Variants in NPAS3 observed in about 807,000 individuals in gnomAD.
NPAS3 encodes neuronal PAS domain-containing protein 3.
In NPAS3, 14 loss-of-function variants were observed where a neutral mutation model predicts 73.1. The observed-to-expected ratio is 0.19, with a 90% confidence interval of 0.13 to 0.30. The LOEUF is 0.30. Ranked by LOEUF, NPAS3 falls within the 10% of genes least tolerant of loss-of-function variation. NPAS3 has a pLI of 1.00. For synonymous variants in NPAS3, 620 were observed against 541.5 expected, an observed-to-expected ratio of 1.14 and a Z score of -2.01; for missense variants, 1,096 against 1,250.0, an observed-to-expected ratio of 0.88 and a Z score of 1.86.
At chr14:33,000,265 G>A (rs1037731414) in intron 1 of NPAS3, among the ~76,000 whole-genome samples, 1 of 152,150 alleles carries the variant, frequency 6.6e-6, no homozygotes, top group Non-Finnish European at 1.5e-5. Context: ...AAGTCTAGTA[G>A]AGACCTGTTT....
chr14:33,775,683 A>T (rs767576920), intron 8 of NPAS3, among the ~76,000 whole-genome samples: 2 of 152,230 alleles, frequency 1.3e-5, no homozygotes, highest in Non-Finnish European at 2.9e-5. Flanking sequence ...ATTTGATAAG[A>T]AACTCTGAAT....
chr14:32,978,157 G>A (rs2037762461), intron 1 of NPAS3, among the ~76,000 whole-genome samples: 1 of 152,188 alleles, frequency 6.6e-6, no homozygotes, highest in South Asian at 2.1e-4. Context: ...CTAGTAAGCT[G>A]GAGAAGAGGC....
chr14:33,192,554 G>A (rs956648245), intron 2 of NPAS3, among the ~76,000 whole-genome samples: 6 of 152,172 alleles, frequency 3.9e-5, no homozygotes, highest in Non-Finnish European at 5.9e-5. Flanking sequence ...TTCTTATGGA[G>A]TGAGTGGTGA....
chr14:33,486,698 AG>A (rs2051617357), intron 4 of NPAS3, among the ~76,000 whole-genome samples: 1 of 152,152 alleles, frequency 6.6e-6, no homozygotes, highest in Non-Finnish European at 1.5e-5. Context: ...CCTGTGACCC[AG>A]CATGCTGAGG....
chr14:33,426,310 G>A (rs1019420084), intron 4 of NPAS3, among the ~76,000 whole-genome samples: 2 of 152,084 alleles, frequency 1.3e-5, no homozygotes, highest in African/African-American at 2.4e-5. Context: ...GGGCTCAGAT[G>A]AAGCCTCCTG....
intron 1 of NPAS3, among the ~76,000 whole-genome samples, chr14:33,045,279 G>T (rs2040471517): frequency 6.6e-6 from 1 of 152,134 alleles, no homozygotes; most frequent in South Asian, 2.1e-4. Context: ...TTGGAAAGTT[G>T]CCTATTTTCC....
chr14:33,075,579 G>A (rs928333302), intron 2 of NPAS3, among the ~76,000 whole-genome samples: 2 of 152,138 alleles, frequency 1.3e-5, no homozygotes, highest in Non-Finnish European at 2.9e-5. Flanking sequence ...GCAGTTATCT[G>A]CAAGTTGCTA....
chr14:33,406,804 C>A (rs756163478), intron 4 of NPAS3, among the ~76,000 whole-genome samples: 7 of 152,052 alleles, frequency 4.6e-5, no homozygotes, highest in Non-Finnish European at 8.8e-5. Context: ...ATTTTTCTAA[C>A]CCAGAACCAA....
intron 4 of NPAS3, among the ~76,000 whole-genome samples, chr14:33,468,508 C>T (rs1419507614): frequency 6.6e-6 from 1 of 152,084 alleles, no homozygotes. Flanking sequence ...AAAATGTGGA[C>T]CTGCCTTGTG....
chr14:33,137,627 G>A (rs1595527533), intron 2 of NPAS3, among the ~76,000 whole-genome samples: 2 of 152,148 alleles, frequency 1.3e-5, no homozygotes, highest in East Asian at 3.8e-4. Flanking sequence ...AGTGGAAATT[G>A]TAACAATGAG....
At chr14:33,123,071 A>T (rs1301548683) in intron 2 of NPAS3, among the ~76,000 whole-genome samples, 1 of 151,606 alleles carries the variant, frequency 6.6e-6, no homozygotes, top group South Asian at 2.1e-4. Context: ...ACAAAGATAT[A>T]CCTTTTAAAC....
intron 2 of NPAS3, among the ~76,000 whole-genome samples, chr14:33,210,761 T>C (rs1225647267): frequency 1.4e-5 from 2 of 140,522 alleles, no homozygotes; most frequent in African/African-American, 2.8e-5. Flanking sequence ...TTATCTGTTA[T>C]TGTACTAAAA....
intron 1 of NPAS3, among the ~76,000 whole-genome samples, chr14:33,041,802 A>T (rs1375097545): frequency 2.0e-5 from 3 of 152,084 alleles, no homozygotes; most frequent in Non-Finnish European, 4.4e-5. Context: ...GTTTTGGAAA[A>T]CAGGAATTAG....
intron 5 of NPAS3, among the ~76,000 whole-genome samples, chr14:33,630,576 A>G (rs915714908): frequency 2.6e-5 from 4 of 152,248 alleles, no homozygotes; most frequent in African/African-American, 4.8e-5. Flanking sequence ...TGTATTGGCC[A>G]AGAGAGGAAA....
chr14:33,657,295 G>A (rs2059171370), intron 5 of NPAS3, among the ~76,000 whole-genome samples: 1 of 152,090 alleles, frequency 6.6e-6, no homozygotes. Context: ...AGAGGAGAGA[G>A]GCCACATACA....
intron 2 of NPAS3, among the ~76,000 whole-genome samples, chr14:33,086,811 CT>C (rs1210177543): frequency 6.6e-6 from 1 of 152,080 alleles, no homozygotes; most frequent in Non-Finnish European, 1.5e-5. Flanking sequence ...AGACATTCAT[CT>C]GGGGTTATTG....
intron 2 of NPAS3, among the ~76,000 whole-genome samples, chr14:33,120,341 T>C (rs925945332): frequency 1.3e-5 from 2 of 152,150 alleles, no homozygotes; most frequent in Admixed American, 1.3e-4. Flanking sequence ...CTAGAGATTT[T>C]AAATGACAGC....
At chr14:33,155,891 C>T (rs1051625592) in intron 2 of NPAS3, among the ~76,000 whole-genome samples, 5 of 152,172 alleles carry the variant, frequency 3.3e-5, no homozygotes, top group Non-Finnish European at 5.9e-5. Context: ...ATTTTTACTA[C>T]TCTAAAGAGA....
chr14:33,724,907 C>T (rs1165602277), intron 6 of NPAS3, among the ~76,000 whole-genome samples: 1 of 152,042 alleles, frequency 6.6e-6, no homozygotes, highest in Non-Finnish European at 1.5e-5. Flanking sequence ...CATACTCATT[C>T]TAGAAATTCA....
Sources: allele counts gnomAD v4.1 joint callset (sites outside exome capture counted in the v4.1 genomes callset), GRCh38; gene constraint gnomAD v4.1.1; transcripts MANE v1.5; gene names NCBI Gene and HGNC (gene_info 2026-07-23, HGNC 2026-07-21).